PLEKHJ1: variants seen among roughly 807,000 people sequenced by gnomAD.
The protein encoded by PLEKHJ1 is pleckstrin homology domain-containing family J member 1.
Under a neutral mutation model 21.7 loss-of-function variants are expected in PLEKHJ1, and 20 were observed. That is an observed-to-expected ratio of 0.92 (90% CI 0.65 to 1.34). The LOEUF (loss-of-function observed/expected upper bound fraction) is 1.34, where lower values mean the gene tolerates loss of function less well. Among genes scored for constraint, PLEKHJ1 ranks in the 40% most tolerant of loss-of-function variants. The probability of loss-of-function intolerance (pLI) is 0.00; values close to 1 mark genes in which losing one functional copy is unlikely to be tolerated. For synonymous variants in PLEKHJ1, 113 were observed against 80.6 expected, an observed-to-expected ratio of 1.40 and a Z score of -2.15; for missense variants, 241 against 202.0, an observed-to-expected ratio of 1.19 and a Z score of -1.17.
chr19:2,230,731 G>A (rs1425385715), downstream of PLEKHJ1: 1 of 397,688 alleles, frequency 2.5e-6, no homozygotes, highest in Non-Finnish European at 4.4e-6. Flanking sequence ...ACAGTGAAGA[G>A]GAAAGAAAAG....
intron 3 of PLEKHJ1, chr19:2,234,913 T>A (rs1212046114): frequency 3.3e-5 from 5 of 151,178 alleles, no homozygotes; most frequent in African/African-American, 1.2e-4. Flanking sequence ...GGCAGGAGAA[T>A]CACTTGAACC....
At position 2,235,907 on chromosome 19, in the gene PLEKHJ1, C is replaced by A. The variant is rs751264338; in HGVS notation, c.162+16G>T. 2.5e-6 allele frequency: 4 copies of A among 1,607,342 alleles called. No individual in the cohort carries two copies. Among genetic ancestry groups the A allele is most frequent in the Non-Finnish European group, 3.4e-6 (4 of 1,177,626 alleles). The stretch of plus-strand genomic sequence containing the variant: ...GCCCAGCCTGGGACCCGCCCGCGCG[C>A]CCGGGACGCCCCTACCTCGGCCTCG... On this transcript the variant is annotated intron_variant, in intron 2 of 5. Transcript: ENST00000326631.
intron 3 of PLEKHJ1, 57 bp from the exon 4 acceptor site, chr19:2,234,297 G>A: frequency 7.4e-7 from 1 of 1,352,212 alleles, no homozygotes. Flanking sequence ...GCTTCCTCTT[G>A]CCATTGCCCA....
At chr19:2,235,879 G>C in intron 2 of PLEKHJ1, 44 bp downstream of exon 2, 1 of 1,593,288 alleles carries the variant, frequency 6.3e-7, no homozygotes, top group Non-Finnish European at 8.5e-7. Context: ...CGGCCTCCGA[G>C]GGGCCCAGCC....
intron 3 of PLEKHJ1, chr19:2,234,554 C>A: frequency 3.2e-6 from 1 of 313,874 alleles, no homozygotes. Flanking sequence ...TCTACAAAAA[C>A]AAAAATTAGC....
At chr19:2,232,462 G>C (rs2144983109), downstream of PLEKHJ1, 1 of 222,910 alleles carries the variant, frequency 4.5e-6, no homozygotes, top group East Asian at 6.5e-5. Flanking sequence ...ACTGTATTTG[G>C]ATTGCGCGCA....
In PLEKHJ1 at chr19:2,233,753, A is replaced by C; in HGVS notation, c.*87T>G. On this transcript the variant is annotated 3_prime_UTR_variant, in exon 6 of 6. Coordinates refer to ENST00000326631, the MANE Select transcript of PLEKHJ1 (RefSeq NM_018049.3). ...CCTGACCCAAAAACCAAAAACCAAA[A>C]CAAAACAGATCCAGGCATGGCCAAG... The C allele has an allele frequency of 7.4e-7, 1 of 1,356,286 alleles. No homozygotes were observed. The allele number at this position is 1,356,286 out of a possible 1,614,324, so 84.0% of individuals were successfully genotyped here. A position where few individuals can be genotyped will look rare whatever the true frequency, so the allele number is the denominator to read the frequency against.
intron 3 of PLEKHJ1, chr19:2,235,173 G>C (rs1253758826): frequency 6.6e-6 from 1 of 152,422 alleles, no homozygotes; most frequent in African/African-American, 2.4e-5. Context: ...CCACCACTAG[G>C]AACTGGGAGA....
At chr19:2,234,586 G>A in intron 3 of PLEKHJ1, 1 of 270,402 alleles carries the variant, frequency 3.7e-6, no homozygotes, top group Middle Eastern at 1.2e-3. Flanking sequence ...GTGGGGCCTT[G>A]TAGGCCCAGC....
Position 2,236,324 on chromosome 19 carries a change from A to C in PLEKHJ1, c.-76T>G. 2 of 962,808 alleles carry C rather than the reference A, an allele frequency of 2.1e-6. No individual in the cohort carries two copies. Among genetic ancestry groups the C allele is most frequent in the Non-Finnish European group, 2.8e-6 (2 of 717,722 alleles). 59.6% of individuals were successfully genotyped at this position (962,808 alleles called of 1,614,324 possible). On this transcript the variant is annotated 5_prime_UTR_variant, in exon 1 of 6. The change creates a new upstream start codon in the 5' untranslated region. Transcript: ENST00000326631. ...CGCTCAGGCTGGGGCCGGCGCCAAA[A>C]ATGTCTCAGGGCGCAGACACGGAAG...
chr19:2,233,454 G>C lies in PLEKHJ1; in HGVS notation c.*386C>G, dbSNP rs746621566. ...GCACGTGGCACCAGGTGCCAGGCCA[G>C]TTAGGTGGATCCTGGGGCCCCAGGG... On this transcript the variant is annotated 3_prime_UTR_variant, in exon 6 of 6. Coordinates refer to ENST00000326631, the MANE Select transcript of PLEKHJ1 (RefSeq NM_018049.3). 3 of 260,140 alleles carry C rather than the reference G, an allele frequency of 1.2e-5. No homozygotes were observed. Among genetic ancestry groups the C allele is most frequent in the African/African-American group, 2.2e-5 (1 of 44,778 alleles). The allele number at this position is 260,140 out of a possible 1,614,324, so 16.1% of individuals were successfully genotyped here. A position where few individuals can be genotyped will look rare whatever the true frequency, so the allele number is the denominator to read the frequency against.
downstream of PLEKHJ1, chr19:2,231,289 A>G (rs1202708604): frequency 2.3e-5 from 5 of 221,882 alleles, no homozygotes; most frequent in African/African-American, 1.1e-4. Context: ...CCCTTCCCCA[A>G]GGTGCCACAG....
At chr19:2,231,015 A>C (rs1165425005), downstream of PLEKHJ1, 1 of 237,598 alleles carries the variant, frequency 4.2e-6, no homozygotes, top group Admixed American at 5.6e-5. Flanking sequence ...TCGGCCCCCC[A>C]CTCTGCAGCC....
chr19:2,230,460 G>A (rs1321210166), downstream of PLEKHJ1: 5 of 399,236 alleles, frequency 1.3e-5, no homozygotes, highest in Non-Finnish European at 2.2e-5. Context: ...GGGCCTGCGC[G>A]GTGACGCAGC....
chr19:2,234,120 C>A (rs2024708204), intron 4 of PLEKHJ1, 30 bp downstream of exon 4: 1 of 1,611,136 alleles, frequency 6.2e-7, no homozygotes, highest in Non-Finnish European at 8.5e-7. Flanking sequence ...TGTGCCCACC[C>A]CAGCAGTGCC....
chr19:2,235,646 G>C (rs901498519), intron 3 of PLEKHJ1, 116 bp downstream of exon 3: 3 of 825,692 alleles, frequency 3.6e-6, no homozygotes, highest in Non-Finnish European at 5.7e-6. Flanking sequence ...GTTTGAGGAG[G>C]GTGGCGCCAG....
At chr19:2,234,863 G>C (rs1358165012) in intron 3 of PLEKHJ1, 1 of 152,430 alleles carries the variant, frequency 6.6e-6, no homozygotes, top group Non-Finnish European at 1.5e-5. Context: ...AGCTGGGCAT[G>C]GTGGCGCGTG....
downstream of PLEKHJ1, among the ~76,000 whole-genome samples, chr19:2,232,996 C>T (rs1356389842): frequency 6.6e-6 from 1 of 152,196 alleles, no homozygotes; most frequent in Admixed American, 6.5e-5. Flanking sequence ...TCTCCCCAGG[C>T]CTGGGTCCCA....
downstream of PLEKHJ1, chr19:2,232,549 G>A (rs1216517992): frequency 4.7e-5 from 10 of 211,816 alleles, no homozygotes; most frequent in Non-Finnish European, 9.6e-5. Flanking sequence ...ACCTCTAGAC[G>A]CTGTAATAAA....
Sources: allele counts gnomAD v4.1 joint callset (sites outside exome capture counted in the v4.1 genomes callset), GRCh38; gene constraint gnomAD v4.1.1; transcripts MANE v1.5; gene names NCBI Gene and HGNC (gene_info 2026-07-23, HGNC 2026-07-21).